Variants in SYT9 observed in about 807,000 individuals in gnomAD.
SYT9 encodes the protein synaptotagmin-9.
Under a neutral mutation model 48.4 loss-of-function variants are expected in SYT9, and 22 were observed. The observed-to-expected ratio is 0.45, with a 90% CI of 0.32 to 0.65. The LOEUF (loss-of-function observed/expected upper bound fraction) is 0.65. Ranked by LOEUF, SYT9 falls within the 30% of genes least tolerant of loss-of-function variation. The pLI, the probability that SYT9 is intolerant of heterozygous loss-of-function variation, is 0.03. For missense variants in SYT9, 577 were observed against 622.0 expected, an observed-to-expected ratio of 0.93 and a Z score of 0.77; for synonymous variants, 265 against 245.0, an observed-to-expected ratio of 1.08 and a Z score of -0.76.
At chr11:7,398,834 C>A (rs1368117719) in intron 3 of SYT9, among the ~76,000 whole-genome samples, 1 of 152,128 alleles carries the variant, frequency 6.6e-6, no homozygotes, top group East Asian at 1.9e-4. Context: ...ACACAATTTT[C>A]AGCCTTCCCA....
intron 6 of SYT9, among the ~76,000 whole-genome samples, chr11:7,464,957 G>A (rs535601756): frequency 2.6e-5 from 4 of 151,962 alleles, no homozygotes; most frequent in South Asian, 2.1e-4. Flanking sequence ...GCGTGGTGGC[G>A]GGCGCCTGTA....
intron 1 of SYT9, among the ~76,000 whole-genome samples, chr11:7,260,234 G>A (rs550084475): frequency 6.6e-6 from 1 of 152,286 alleles, no homozygotes; most frequent in East Asian, 1.9e-4. Context: ...AATCAAGAAG[G>A]GAGATATCTA....
intron 6 of SYT9, among the ~76,000 whole-genome samples, chr11:7,448,199 G>C (rs1847971863): frequency 6.6e-6 from 1 of 152,214 alleles, no homozygotes; most frequent in Non-Finnish European, 1.5e-5. Flanking sequence ...AGACAGTCTA[G>C]TGACTTTGTG....
At position 7,313,821 on chromosome 11, in the gene SYT9, C is replaced by A; in HGVS notation, c.924C>A (p.Tyr308Ter). ...LEARKLHFSV[Y>*]DFDRFSRHDL... is the part of the protein sequence containing the mutation. ...CACGGAAGCTTCACTTCTCTGTGTA[C>A]GACTTTGACAGGTTCTCTCGTCATG... is the stretch of plus-strand genomic sequence containing the variant. Residue 308 changes from tyrosine (Y) to a stop codon, truncating the protein, a stop_gained, in exon 3 of 7, where the codon TAC becomes TAA. Coordinates refer to ENST00000318881, the MANE Select transcript of SYT9 (RefSeq NM_175733.4). LOFTEE classifies it high-confidence loss of function. The A allele has an allele frequency of 6.2e-7, 1 of 1,614,166 alleles. No homozygotes were observed. Among genetic ancestry groups the A allele is most frequent in the Non-Finnish European group, 8.5e-7 (1 of 1,180,024 alleles).
intron 6 of SYT9, among the ~76,000 whole-genome samples, chr11:7,430,129 A>G (rs1338615489): frequency 6.6e-5 from 10 of 152,190 alleles, no homozygotes; most frequent in Admixed American, 5.9e-4. Context: ...TAGCAATTCT[A>G]GTATTATTTT....
At chr11:7,400,721 G>T (rs899573161) in intron 3 of SYT9, among the ~76,000 whole-genome samples, 4 of 152,266 alleles carry the variant, frequency 2.6e-5, no homozygotes, top group Middle Eastern at 3.4e-3. Context: ...CTCTGGAGAA[G>T]ATATTTTTAA....
chr11:7,335,089 CCAGCT>C (rs1849611655), intron 3 of SYT9, among the ~76,000 whole-genome samples: 1 of 152,140 alleles, frequency 6.6e-6, no homozygotes, highest in African/African-American at 2.4e-5. Context: ...TACATTTACA[CCAGCT>C]ATGAACTGTG....
At chr11:7,343,576 C>A (rs1849749465) in intron 3 of SYT9, among the ~76,000 whole-genome samples, 1 of 152,216 alleles carries the variant, frequency 6.6e-6, no homozygotes, top group Non-Finnish European at 1.5e-5. Flanking sequence ...CAAAGCCATT[C>A]AACAAATCTC....
chr11:7,410,070 T>C (rs1231846676), intron 3 of SYT9, among the ~76,000 whole-genome samples: 1 of 152,194 alleles, frequency 6.6e-6, no homozygotes, highest in African/African-American at 2.4e-5. Context: ...TTCAAGAAAT[T>C]TTTTGCTTTT....
At chr11:7,369,760 T>C (rs1446213638) in intron 3 of SYT9, among the ~76,000 whole-genome samples, 1 of 143,124 alleles carries the variant, frequency 7.0e-6, no homozygotes, top group African/African-American at 2.6e-5. Flanking sequence ...CTTGTTAACT[T>C]TATTTCTACA....
intron 2 of SYT9, among the ~76,000 whole-genome samples, chr11:7,308,647 A>G (rs1334902864): frequency 6.6e-6 from 1 of 152,088 alleles, no homozygotes; most frequent in African/African-American, 2.4e-5. Flanking sequence ...CTCAAGTATC[A>G]TCTCCTTCAT....
Position 7,431,581 on chromosome 11 carries a change from G to A in SYT9, c.1467+10946G>A, listed in dbSNP as rs995127498. Among the ~76,000 whole-genome samples the A allele has an allele frequency of 6.6e-5, 10 of 152,292 alleles. No homozygotes were observed. In the South Asian group the frequency reaches 1.5e-3, roughly 22 times the overall value. On this transcript the variant is annotated intron_variant, in intron 6 of 6. Coordinates refer to ENST00000318881, the MANE Select transcript of SYT9 (RefSeq NM_175733.4). ...GGGAAAAAGACCTCAAAGGCATTTC[G>A]GAGACCTTGGCAGCAGCCCCTCTCA...
At chr11:7,285,812 C>T (rs1053106762) in intron 1 of SYT9, among the ~76,000 whole-genome samples, 6 of 152,150 alleles carry the variant, frequency 3.9e-5, no homozygotes, top group African/African-American at 1.4e-4. Flanking sequence ...GCTACAGGCC[C>T]TATGCAAGTC....
chr11:7,316,703 A>G (rs1039214106), intron 3 of SYT9, among the ~76,000 whole-genome samples: 2 of 152,204 alleles, frequency 1.3e-5, no homozygotes, highest in Admixed American at 1.3e-4. Context: ...AGATAATGAC[A>G]GTCTTTTTCA....
At position 7,288,651 on chromosome 11, in the gene SYT9, A is replaced by G. The variant is rs1351879063; in HGVS notation, c.146-14388A>G. Among the ~76,000 whole-genome samples, 7 of 150,674 alleles carry G rather than the reference A, an allele frequency of 4.6e-5. No homozygotes were observed. The South Asian group carries it at 1.2e-3, about 27-fold the overall frequency. On this transcript the variant is annotated intron_variant, in intron 1 of 6. Coordinates refer to ENST00000318881, the MANE Select transcript of SYT9 (RefSeq NM_175733.4). ...ATTTTTTTTGGCTTTGCTGTCTTTC[A>G]TCTGAGCCTACTGCATTTGTCCTCC...
intron 3 of SYT9, among the ~76,000 whole-genome samples, chr11:7,348,783 T>G (rs1490173790): frequency 6.6e-6 from 1 of 151,094 alleles, no homozygotes; most frequent in Non-Finnish European, 1.5e-5. Context: ...AATGGGTTTT[T>G]CTTTTACTGT....
intron 6 of SYT9, among the ~76,000 whole-genome samples, chr11:7,427,107 T>A (rs914190055): frequency 6.6e-6 from 1 of 150,916 alleles, no homozygotes; most frequent in Non-Finnish European, 1.5e-5. Context: ...GAAAAAAAAA[T>A]GAATGAATGA....
chr11:7,265,823 G>T (rs573975234), intron 1 of SYT9, among the ~76,000 whole-genome samples: 3 of 152,008 alleles, frequency 2.0e-5, no homozygotes, highest in African/African-American at 7.2e-5. Context: ...CTTCTTTATC[G>T]CTAGGCAAGT....
At chr11:7,323,964 C>G (rs1306576741) in intron 3 of SYT9, among the ~76,000 whole-genome samples, 3 of 151,792 alleles carry the variant, frequency 2.0e-5, no homozygotes, top group Admixed American at 1.3e-4. Context: ...CACATTATCT[C>G]TTTTCCTAGT....
Sources: gnomAD v4.1 joint callset for allele counts (sites outside exome capture counted in the v4.1 genomes callset) on GRCh38, gnomAD v4.1.1 for gene constraint, MANE v1.5 for transcripts, NCBI Gene and HGNC (gene_info 2026-07-23, HGNC 2026-07-21) for gene names.